Variants in CIITA observed in about 807,000 individuals in gnomAD.
CIITA encodes class II major histocompatibility complex transactivator.
A neutral mutation model predicts 115.1 loss-of-function variants in CIITA; 72 were observed. That is an observed-to-expected ratio of 0.63 (90% CI 0.52 to 0.76). CIITA has a LOEUF of 0.76. CIITA is among the 30% of genes least tolerant of loss of function. The probability of loss-of-function intolerance (pLI) is 0.00; values close to 1 mark genes in which losing one functional copy is unlikely to be tolerated. For missense variants in CIITA, 1,617 were observed against 1,463.8 expected, an observed-to-expected ratio of 1.10 and a Z score of -1.71; for synonymous variants, 763 against 635.6, an observed-to-expected ratio of 1.20 and a Z score of -3.02.
At chr16:10,917,154 T>A (rs986358017) in intron 15 of CIITA, 1 of 191,364 alleles carries the variant, frequency 5.2e-6, no homozygotes, top group Non-Finnish European at 1.1e-5. Flanking sequence ...TGGAGATGGA[T>A]AAGATACAGG....
intron 16 of CIITA, among the ~76,000 whole-genome samples, chr16:10,919,378 G>A (rs1035367032): frequency 1.3e-5 from 2 of 152,092 alleles, no homozygotes; most frequent in African/African-American, 2.4e-5. Flanking sequence ...TATATTTTTA[G>A]TAGAGACAGG....
At chr16:10,885,316 C>G (rs1462611489) in intron 1 of CIITA, among the ~76,000 whole-genome samples, 1 of 152,208 alleles carries the variant, frequency 6.6e-6, no homozygotes, top group Non-Finnish European at 1.5e-5. Flanking sequence ...CATCTGACCT[C>G]CTGCCCCCAT....
rs528842292 is a variant in CIITA, at chr16:10,941,640, C to A, written n.766C>A. 2 of 1,528,810 alleles carry A rather than the reference C, an allele frequency of 1.3e-6. No individual in the cohort carries two copies. The highest frequency in any genetic ancestry group is 2.8e-5 in the African/African-American group (2 of 72,564). 94.7% of individuals were successfully genotyped at this position (1,528,810 alleles called of 1,614,324 possible). A position where few individuals can be genotyped will look rare whatever the true frequency, so the allele number is the denominator to read the frequency against. ...TCCAGATGGTGCCCCCAACCAGCTG[C>A]GGCGGCATGATCTGGGCGGCTGGTC... On this transcript the variant is annotated non_coding_transcript_exon_variant, in exon 2 of 2. Coordinates refer to the CIITA transcript ENST00000573379. This position sits in a 1 kb window ranked among gnomAD's most constrained non-coding sequence, Gnocchi z 6.4.
chr16:10,940,013 C>A (rs1225014491), downstream of CIITA: 2 of 152,262 alleles, frequency 1.3e-5, no homozygotes, highest in African/African-American at 4.8e-5. This position sits in a 1 kb window ranked among gnomAD's most constrained non-coding sequence, Gnocchi z 4.2. Context: ...GCACCTGGCA[C>A]ACACTCCCCC....
upstream of CIITA, among the ~76,000 whole-genome samples, chr16:10,875,044 C>G (rs1295983867): frequency 6.6e-6 from 1 of 152,144 alleles, no homozygotes; most frequent in East Asian, 1.9e-4. Context: ...TCTAAGCTCA[C>G]TGCAACCTCC....
At position 10,910,237 on chromosome 16, in the gene CIITA, G is replaced by T; in HGVS notation, c.2866G>T (p.Asp956Tyr). The T allele has an allele frequency of 1.2e-6, 2 of 1,614,072 alleles. No homozygotes were observed. Among genetic ancestry groups the T allele is most frequent in the African/African-American group, 2.7e-5 (2 of 75,050 alleles). ...DTAGELPAVRDLKKLEFALGP... is the reference protein window; with the variant it reads ...DTAGELPAVRYLKKLEFALGP... The stretch of plus-strand genomic sequence containing the variant: ...AGCTGGGGAGCTCCCTGCTGTTCGG[G>T]ACCTAAAGAAACTGGAGTTTGCGTA... Residue 956 changes from aspartate (D) to tyrosine (Y), a missense_variant, in exon 13 of 20, where the codon GAC becomes TAC. Asp to Tyr is a radical substitution (Grantham distance 160, BLOSUM62 -3). Coordinates refer to ENST00000324288, the MANE Select transcript of CIITA (RefSeq NM_000246.4).
At chr16:10,880,835 T>C (rs1391397723) in intron 1 of CIITA, among the ~76,000 whole-genome samples, 1 of 152,218 alleles carries the variant, frequency 6.6e-6, no homozygotes, top group African/African-American at 2.4e-5. Context: ...ACTTCCCCTC[T>C]CTGAGGTTCA....
intron 3 of CIITA, among the ~76,000 whole-genome samples, chr16:10,897,301 G>C (rs985964230): frequency 2.0e-5 from 3 of 152,186 alleles, no homozygotes; most frequent in African/African-American, 7.2e-5. Flanking sequence ...AGAGGTTTCG[G>C]TGTGATAGTC....
Position 10,941,737 on chromosome 16 carries a change from A to G in CIITA, n.863A>G. 6.2e-7 allele frequency: 1 copy of G among 1,611,294 alleles called. No homozygotes were observed. The stretch of plus-strand genomic sequence containing the variant: ...GAGACCCTACTCCAAGTACGCATCA[A>G]AGACGTCGAGCTCCGAGTCAGCATC... On this transcript the variant is annotated non_coding_transcript_exon_variant, in exon 2 of 2. Transcript: ENST00000573379. This position sits in a 1 kb window ranked among gnomAD's most constrained non-coding sequence, Gnocchi z 6.4.
chr16:10,886,949 G>A (rs1239661597), intron 1 of CIITA, among the ~76,000 whole-genome samples: 1 of 152,208 alleles, frequency 6.6e-6, no homozygotes, highest in Non-Finnish European at 1.5e-5. Context: ...CAGGGACTGT[G>A]TGGTAAACCT....
At chr16:10,905,385 T>C (rs1049684689) in intron 10 of CIITA, among the ~76,000 whole-genome samples, 8 of 152,086 alleles carry the variant, frequency 5.3e-5, no homozygotes, top group African/African-American at 1.7e-4. Flanking sequence ...CTGTCTTAAC[T>C]CTTAACACTC....
At chr16:10,869,211 A>G (rs1352478451) in intron 1 of CIITA, among the ~76,000 whole-genome samples, 1 of 152,184 alleles carries the variant, frequency 6.6e-6, no homozygotes, top group Non-Finnish European at 1.5e-5. Context: ...ACAATGGCCC[A>G]CAAGGCCTTT....
Position 10,929,387 on chromosome 16 carries a change from G to A in CIITA, c.*5532G>A, listed in dbSNP as rs1021360647. ...TGCAAATAATCAGAAGCCAAGGCCA[G>A]GCCATCGATTTGACACTGCAGGCAG... On this transcript the variant is annotated 3_prime_UTR_variant, in exon 20 of 20. Transcript: ENST00000324288. The surrounding 1 kb of genome is among the most constrained non-coding windows in gnomAD (Gnocchi z 4.3). 167 of 985,894 alleles carry A rather than the reference G, an allele frequency of 1.7e-4. No homozygotes were observed. The highest frequency in any genetic ancestry group is 1.0e-3 in the Middle Eastern group (2 of 1,916). 61.1% of individuals were successfully genotyped at this position (985,894 alleles called of 1,614,324 possible).
Position 10,935,833 on chromosome 16 carries a change from A to G in CIITA, c.*11978A>G, listed in dbSNP as rs916180293. 2.0e-5 allele frequency: 3 copies of G among 152,180 alleles called. No individual in the cohort carries two copies. Among genetic ancestry groups the G allele is most frequent in the African/African-American group, 7.2e-5 (3 of 41,432 alleles). The allele number at this position is 152,180 out of a possible 1,614,324, so 9.4% of individuals were successfully genotyped here. On this transcript the variant is annotated 3_prime_UTR_variant, in exon 20 of 20. Coordinates refer to ENST00000324288, the MANE Select transcript of CIITA (RefSeq NM_000246.4). The stretch of plus-strand genomic sequence containing the variant: ...ACAGTTTACAAAACACCAGCCTTGT[A>G]CTCTGCTTAATATGTCAATGTCACA...
upstream of CIITA, chr16:10,877,066 G>A (rs1025177397): frequency 1.7e-6 from 1 of 592,994 alleles, no homozygotes; most frequent in Non-Finnish European, 3.0e-6. Flanking sequence ...AAGGGAGTGT[G>A]GTAAAATTAG....
intron 9 of CIITA, 145 bp from the exon 10 acceptor site, chr16:10,904,599 A>T: frequency 1.3e-6 from 1 of 779,282 alleles, no homozygotes; most frequent in Non-Finnish European, 2.2e-6. Flanking sequence ...TATTTGAGTT[A>T]GATACAGCCT....
In CIITA at chr16:10,923,170, G is replaced by C; in HGVS notation, c.3318-58G>C. The C allele has an allele frequency of 6.5e-7, 1 of 1,527,578 alleles. No homozygotes were observed. The highest frequency in any genetic ancestry group is 9.0e-7 in the Non-Finnish European group (1 of 1,107,646). The allele number at this position is 1,527,578 out of a possible 1,614,324, so 94.6% of individuals were successfully genotyped here. ...AGGGATTTGGGGGCAGCTGTCACTG[G>C]GGCCCCAGGCCGCCCTCTCTCCTCT... is the stretch of plus-strand genomic sequence containing the variant. On this transcript the variant is annotated intron_variant, in intron 18 of 19. Coordinates refer to ENST00000324288, the MANE Select transcript of CIITA (RefSeq NM_000246.4). This position sits in a 1 kb window ranked among gnomAD's most constrained non-coding sequence, Gnocchi z 5.2.
Position 10,929,554 on chromosome 16 carries a change from GC to G in CIITA, c.*5700del. 1.0e-6 allele frequency: 1 copy of G among 985,484 alleles called. No individual in the cohort carries two copies. The highest frequency in any genetic ancestry group is 1.2e-6 in the Non-Finnish European group (1 of 829,992). The allele number at this position is 985,484 out of a possible 1,614,324, so 61.0% of individuals were successfully genotyped here. ...TGTTGGCACGAAGCTTTTGAGGGGA[GC>G]AGGTCTAACAAGAAGGAAAAAGGGG... On this transcript the variant is annotated 3_prime_UTR_variant, in exon 20 of 20. Transcript: ENST00000324288. The surrounding 1 kb of genome is among the most constrained non-coding windows in gnomAD (Gnocchi z 4.3).
chr16:10,906,483 C>T lies in CIITA; in HGVS notation c.1007-16C>T, dbSNP rs758132900. ...TCTCACATACCCCCACCCTGACACGCCCCTGGCCTTTGCAGAGCCGGTGGA... is the reference window on the plus strand; with the variant it reads ...TCTCACATACCCCCACCCTGACACGTCCCTGGCCTTTGCAGAGCCGGTGGA... On this transcript the variant is annotated splice_polypyrimidine_tract_variant and intron_variant, in intron 10 of 19. Coordinates refer to ENST00000324288, the MANE Select transcript of CIITA (RefSeq NM_000246.4). 3 of 1,611,204 alleles carry T rather than the reference C, an allele frequency of 1.9e-6. No individual in the cohort carries two copies. The South Asian group carries it at 3.3e-5, about 18-fold the overall frequency.
Sources: gnomAD v4.1 joint callset for allele counts (sites outside exome capture counted in the v4.1 genomes callset) on GRCh38, gnomAD v4.1.1 for gene constraint, Gnocchi (gnomAD v3.1) non-coding constraint, MANE v1.5 for transcripts, NCBI Gene and HGNC (gene_info 2026-07-23, HGNC 2026-07-21) for gene names.